The following GABRB2 variants were observed in gnomAD, a reference collection of about 807,000 sequenced individuals.
GABRB2 encodes the protein gamma-aminobutyric acid type A receptor subunit beta2.
In GABRB2, 16 loss-of-function variants were observed where a neutral mutation model predicts 54.7. The ratio of observed to expected loss-of-function variants is 0.29; its 90% confidence interval spans 0.20 to 0.44. The LOEUF (loss-of-function observed/expected upper bound fraction) is 0.44. Among genes scored for constraint, GABRB2 ranks in the 20% least tolerant of loss-of-function variants. The pLI, the probability that GABRB2 is intolerant of heterozygous loss-of-function variation, is 1.00. For missense variants in GABRB2, 355 were observed against 644.0 expected, an observed-to-expected ratio of 0.55 and a Z score of 4.86; for synonymous variants, 244 against 233.8, an observed-to-expected ratio of 1.04 and a Z score of -0.40.
chr5:161,471,605 G>A (rs1037981960), intron 3 of GABRB2, among the ~76,000 whole-genome samples: 1 of 151,914 alleles, frequency 6.6e-6, no homozygotes, highest in Non-Finnish European at 1.5e-5. Flanking sequence ...TTTCCACTAT[G>A]TTGCTTAGTT....
intron 9 of GABRB2, among the ~76,000 whole-genome samples, chr5:161,317,416 G>C (rs78865166): frequency 6.6e-6 from 1 of 152,220 alleles, no homozygotes; most frequent in African/African-American, 2.4e-5. Flanking sequence ...TGGGGAAAAG[G>C]TTCTAAAATA....
intron 8 of GABRB2, 138 bp downstream of exon 8, chr5:161,330,741 ATTGT>A: frequency 8.4e-7 from 1 of 1,186,628 alleles, no homozygotes; most frequent in Non-Finnish European, 1.2e-6. Flanking sequence ...TCCATCATTA[ATTGT>A]TTGTGTGCTT....
chr5:161,529,033 A>T (rs1760372665), intron 3 of GABRB2, among the ~76,000 whole-genome samples: 1 of 151,950 alleles, frequency 6.6e-6, no homozygotes, highest in South Asian at 2.1e-4. Flanking sequence ...ATCAAAACAT[A>T]ATTTTGCTCT....
chr5:161,450,093 C>A (rs150508765), intron 4 of GABRB2, among the ~76,000 whole-genome samples: 2 of 152,154 alleles, frequency 1.3e-5, no homozygotes, highest in Non-Finnish European at 2.9e-5. Context: ...TTCAGGCCTG[C>A]AATATAAAAT....
intron 4 of GABRB2, among the ~76,000 whole-genome samples, chr5:161,456,988 C>G (rs532690149): frequency 5.1e-4 from 78 of 152,206 alleles, no homozygotes; most frequent in African/African-American, 1.8e-3. Flanking sequence ...TAACTGAATT[C>G]CTTTTACCTA....
chr5:161,525,217 T>C (rs1243590928), intron 3 of GABRB2, among the ~76,000 whole-genome samples: 5 of 151,310 alleles, frequency 3.3e-5, no homozygotes, highest in Non-Finnish European at 7.4e-5. Flanking sequence ...TGGTCAGATC[T>C]GGCTGACCCC....
chr5:161,434,424 T>G (rs1757255081), intron 4 of GABRB2, among the ~76,000 whole-genome samples: 1 of 152,188 alleles, frequency 6.6e-6, no homozygotes, highest in Admixed American at 6.6e-5. Context: ...TCCAGGCTCT[T>G]AAAAATTACT....
intron 5 of GABRB2, among the ~76,000 whole-genome samples, chr5:161,354,903 CT>C (rs1484757146): frequency 1.3e-5 from 2 of 151,986 alleles, no homozygotes; most frequent in Non-Finnish European, 2.9e-5. Flanking sequence ...AATATTACTA[CT>C]TTTTCCCCTG....
intron 3 of GABRB2, among the ~76,000 whole-genome samples, chr5:161,506,755 T>A (rs1018293181): frequency 1.3e-5 from 2 of 152,086 alleles, no homozygotes; most frequent in Non-Finnish European, 2.9e-5. Context: ...AGTAGAGCAA[T>A]GGAGCCAACT....
intron 3 of GABRB2, among the ~76,000 whole-genome samples, chr5:161,538,807 C>T (rs561956118): frequency 2.0e-5 from 3 of 150,776 alleles, no homozygotes; most frequent in East Asian, 2.0e-4. Context: ...GGCAACAAAG[C>T]GAGACAACTG....
At chr5:161,407,368 C>T (rs139649467) in intron 5 of GABRB2, among the ~76,000 whole-genome samples, 13 of 152,160 alleles carry the variant, frequency 8.5e-5, no homozygotes, top group Non-Finnish European at 1.8e-4. Flanking sequence ...TAAGTGGCCT[C>T]ACAGTGTAAT....
intron 3 of GABRB2, among the ~76,000 whole-genome samples, chr5:161,506,600 T>C (rs962619482): frequency 4.6e-5 from 7 of 152,186 alleles, no homozygotes; most frequent in African/African-American, 1.7e-4. Context: ...ATTGTCATGC[T>C]ATAATGACAG....
chr5:161,465,681 T>C (rs576354259), intron 3 of GABRB2, among the ~76,000 whole-genome samples: 62 of 152,230 alleles, frequency 4.1e-4, no homozygotes, highest in African/African-American at 1.3e-3. Flanking sequence ...TTCATCCTCA[T>C]TGAACATTTT....
intron 5 of GABRB2, among the ~76,000 whole-genome samples, chr5:161,377,463 T>C (rs1424323688): frequency 6.6e-6 from 1 of 152,132 alleles, no homozygotes; most frequent in Admixed American, 6.6e-5. Context: ...CCTGTATTAC[T>C]GAGAAAAGAG....
At chr5:161,318,266 G>C (rs1758103053) in intron 9 of GABRB2, among the ~76,000 whole-genome samples, 1 of 151,874 alleles carries the variant, frequency 6.6e-6, no homozygotes, top group South Asian at 2.1e-4. Flanking sequence ...TTCTTTTATA[G>C]AGTCTGAATT....
At chr5:161,490,939 T>C (rs952758908) in intron 3 of GABRB2, among the ~76,000 whole-genome samples, 4 of 151,712 alleles carry the variant, frequency 2.6e-5, no homozygotes, top group African/African-American at 9.7e-5. Context: ...TTCCTCACTC[T>C]AGTATCCAAT....
At chr5:161,471,590 C>T (rs1758440186) in intron 3 of GABRB2, among the ~76,000 whole-genome samples, 1 of 151,988 alleles carries the variant, frequency 6.6e-6, no homozygotes, top group South Asian at 2.1e-4. Context: ...TCCAGGCAAT[C>T]AGTTTTTCCA....
intron 3 of GABRB2, among the ~76,000 whole-genome samples, chr5:161,487,033 T>G (rs1219041600): frequency 6.6e-6 from 1 of 151,962 alleles, no homozygotes; most frequent in African/African-American, 2.4e-5. Flanking sequence ...ACAAGTTCCT[T>G]ATTCCATAGC....
Position 161,441,819 on chromosome 5 carries a change from A to G in GABRB2, c.458+17805T>C, listed in dbSNP as rs374572882. On this transcript the variant is annotated intron_variant, in intron 4 of 9. Coordinates refer to ENST00000393959, the MANE Select transcript of GABRB2 (RefSeq NM_001371727.1). ...ATTTGTAACATGAATGGAACTGGAGATCATTATGTTAAGTGAATTAAGCCA... is the reference window on the plus strand; with the variant it reads ...ATTTGTAACATGAATGGAACTGGAGGTCATTATGTTAAGTGAATTAAGCCA... 5.9e-5 allele frequency among the ~76,000 whole-genome samples: 9 copies of G among 152,274 alleles called. No homozygotes were observed. In the East Asian group the frequency reaches 1.7e-3, roughly 29 times the overall value.
Sources: allele counts gnomAD v4.1 joint callset (sites outside exome capture counted in the v4.1 genomes callset), GRCh38; gene constraint gnomAD v4.1.1; transcripts MANE v1.5; gene names NCBI Gene and HGNC (gene_info 2026-07-23, HGNC 2026-07-21).